The following TMEM45B variants were observed in gnomAD, a reference collection of about 807,000 sequenced individuals.
TMEM45B encodes transmembrane protein 45B.
A neutral mutation model predicts 27.3 loss-of-function variants in TMEM45B; 29 were observed. The observed-to-expected ratio is 1.06, with a 90% CI of 0.79 to 1.45. TMEM45B has a LOEUF of 1.45. Ranked by LOEUF, TMEM45B falls within the 40% of genes most tolerant of loss-of-function variation. The probability of loss-of-function intolerance (pLI) is 0.00; values close to 1 mark genes in which losing one functional copy is unlikely to be tolerated. For missense variants in TMEM45B, 348 were observed against 343.9 expected (o/e 1.01, Z -0.09); for synonymous variants, 143 against 134.7 (o/e 1.06, Z -0.43).
rs1404660726 is a variant in TMEM45B, at chr11:129,858,615, T to C, written c.758T>C (p.Ile253Thr). The change falls in exon 6 of 6, where the codon ATT becomes ACT. Residue 253 changes from isoleucine to threonine, a missense_variant. Physicochemically the swap from Ile to Thr is moderately conservative, Grantham distance 89. Coordinates refer to ENST00000281441, the MANE Select transcript of TMEM45B (RefSeq NM_138788.5). ...AAGAGACACGGAAGGGGAGAAATCA[T>C]TGGAATTCAGAAGCTGAATTCAGAT... ...RMKRHGRGEI[I>T]GIQKLNSDDT... is the part of the protein sequence containing the mutation. 23 of 1,588,246 alleles carry C rather than the reference T, an allele frequency of 1.4e-5. No individual in the cohort carries two copies. The highest frequency in any genetic ancestry group is 1.9e-5 in the Non-Finnish European group (22 of 1,166,384).
intron 1 of TMEM45B, among the ~76,000 whole-genome samples, chr11:129,839,555 T>C (rs1007603646): frequency 6.6e-6 from 1 of 152,186 alleles, no homozygotes; most frequent in African/African-American, 2.4e-5. Context: ...GGAGACAGGG[T>C]CTCACTGTGT....
intron 1 of TMEM45B, among the ~76,000 whole-genome samples, chr11:129,819,709 C>T (rs1947395372): frequency 6.6e-6 from 1 of 151,922 alleles, no homozygotes; most frequent in Non-Finnish European, 1.5e-5. Context: ...ACGTGCACCA[C>T]CACGCCCAGC....
chr11:129,830,546 A>G (rs1565364896), intron 1 of TMEM45B, among the ~76,000 whole-genome samples: 1 of 152,216 alleles, frequency 6.6e-6, no homozygotes, highest in Non-Finnish European at 1.5e-5. Flanking sequence ...AGAAAAGACA[A>G]CTCACAGAAT....
chr11:129,820,905 G>A (rs1260740763), intron 1 of TMEM45B, among the ~76,000 whole-genome samples: 1 of 152,058 alleles, frequency 6.6e-6, no homozygotes, highest in Admixed American at 6.6e-5. Flanking sequence ...TAAATAGCAT[G>A]CAGATACGGG....
At chr11:129,817,151 C>A (rs1176575612) in intron 1 of TMEM45B, among the ~76,000 whole-genome samples, 3 of 152,184 alleles carry the variant, frequency 2.0e-5, no homozygotes, top group Admixed American at 6.5e-5. Flanking sequence ...GCCTTCCAAA[C>A]AGGCCTGCCT....
At chr11:129,820,601 C>T (rs949133806) in intron 1 of TMEM45B, among the ~76,000 whole-genome samples, 1 of 152,092 alleles carries the variant, frequency 6.6e-6, no homozygotes, top group Admixed American at 6.5e-5. Context: ...CCATTATGGA[C>T]GGGCACGCCA....
At chr11:129,820,401 T>G (rs1021033144) in intron 1 of TMEM45B, among the ~76,000 whole-genome samples, 1 of 152,210 alleles carries the variant, frequency 6.6e-6, no homozygotes, top group South Asian at 2.1e-4. Context: ...TAGCAGCATC[T>G]GCCATAGTGT....
At position 129,851,543 on chromosome 11, in the gene TMEM45B, C is replaced by CA. The variant is rs71057982; in HGVS notation, c.-8-917dup. ...TGGGTGACAGAGTGAAACTCTGCCT[C>CA]AAAAAAAAAAAAAAAGTCCCCTTCT... is the stretch of plus-strand genomic sequence containing the variant. On this transcript the variant is annotated intron_variant, in intron 1 of 5. Coordinates refer to ENST00000281441, the MANE Select transcript of TMEM45B (RefSeq NM_138788.5). Among the ~76,000 whole-genome samples, 98 of 54,940 alleles carry CA rather than the reference C, an allele frequency of 1.8e-3. 7 individuals carry two copies. The highest frequency in any genetic ancestry group is 3.0e-3 in the East Asian group (4 of 1,344). The allele number at this position is 54,940 out of a possible 152,430, so 36.0% of individuals were successfully genotyped here.
chr11:129,831,417 T>C (rs1010102209), intron 1 of TMEM45B, among the ~76,000 whole-genome samples: 18 of 152,316 alleles, frequency 1.2e-4, no homozygotes, highest in African/African-American at 4.3e-4. Flanking sequence ...GCTTACTAAG[T>C]GACTAATGGT....
intron 1 of TMEM45B, among the ~76,000 whole-genome samples, chr11:129,842,770 A>G (rs1015599668): frequency 2.6e-5 from 4 of 152,244 alleles, no homozygotes; most frequent in Admixed American, 1.3e-4. Context: ...CAACAAAAGC[A>G]CAGGCAACAA....
rs1947985826 is a variant in TMEM45B, at chr11:129,859,957, T to A, written c.*1272T>A. 6.6e-6 allele frequency: 1 copy of A among 152,566 alleles called. No individual in the cohort carries two copies. Among genetic ancestry groups the A allele is most frequent in the Non-Finnish European group, 1.5e-5 (1 of 68,044 alleles). The allele number at this position is 152,566 out of a possible 1,614,324, so 9.5% of individuals were successfully genotyped here. ...TCAAACAGGAGAGACATGCCTGTAG[T>A]TACATCCAGTGTGATGGGTGCTGAG... On this transcript the variant is annotated 3_prime_UTR_variant, in exon 6 of 6. Transcript: ENST00000281441.
chr11:129,845,178 T>C (rs1947742126), intron 1 of TMEM45B, among the ~76,000 whole-genome samples: 1 of 152,180 alleles, frequency 6.6e-6, no homozygotes, highest in African/African-American at 2.4e-5. Flanking sequence ...TGTACATATA[T>C]GTGTACACAC....
Position 129,859,513 on chromosome 11 carries a change from C to A in TMEM45B, c.*828C>A, listed in dbSNP as rs974481618. 4 of 152,144 alleles carry A rather than the reference C, an allele frequency of 2.6e-5. No individual in the cohort carries two copies. The highest frequency in any genetic ancestry group is 9.7e-5 in the African/African-American group (4 of 41,412). 9.4% of individuals were successfully genotyped at this position (152,144 alleles called of 1,614,324 possible). ...TAATGTAAAATCTTGATACCCTAAT[C>A]TTGCTTCTGGATCTGTTCTTTTTTT... On this transcript the variant is annotated 3_prime_UTR_variant, in exon 6 of 6. Transcript: ENST00000281441.
intron 1 of TMEM45B, among the ~76,000 whole-genome samples, chr11:129,840,946 T>TAAAAAAAAAAAAAAAAAAAAAAAA: frequency 3.4e-5 from 1 of 29,260 alleles, no homozygotes; most frequent in Non-Finnish European, 6.9e-5. Flanking sequence ...TTTCTTTCTG[T>TAAAAAAAAAAAAAAAAAAAAAAAA]AAAAAAAAAA....
At position 129,815,915 on chromosome 11, in the gene TMEM45B, C is replaced by G; in HGVS notation, c.-9+17C>G. On this transcript the variant is annotated intron_variant, in intron 1 of 5. Transcript: ENST00000281441. ...TGGGCACAGGTCAGACGTCCGTACC[C>G]GCAGGGGGCTCGAACCTGGAGGAGG... 7.9e-7 allele frequency: 1 copy of G among 1,269,278 alleles called. No homozygotes were observed. Among genetic ancestry groups the G allele is most frequent in the Non-Finnish European group, 9.9e-7 (1 of 1,012,046 alleles). 78.6% of individuals were successfully genotyped at this position (1,269,278 alleles called of 1,614,324 possible). A position where few individuals can be genotyped will look rare whatever the true frequency, so the allele number is the denominator to read the frequency against.
intron 1 of TMEM45B, among the ~76,000 whole-genome samples, chr11:129,842,538 G>A (rs1201512080): frequency 6.6e-6 from 1 of 152,072 alleles, no homozygotes; most frequent in Non-Finnish European, 1.5e-5. Flanking sequence ...ACAAGAATGA[G>A]GAAAGAATAG....
intron 2 of TMEM45B, among the ~76,000 whole-genome samples, 174 bp from the exon 3 acceptor site, chr11:129,854,436 C>G (rs1947890844): frequency 6.6e-6 from 1 of 152,316 alleles, no homozygotes; most frequent in East Asian, 1.9e-4. Context: ...TCAGCACACA[C>G]CCTACTTTAT....
intron 1 of TMEM45B, among the ~76,000 whole-genome samples, chr11:129,847,417 A>ATTTTTTTT (rs777733202): frequency 7.1e-6 from 1 of 140,300 alleles, no homozygotes; most frequent in South Asian, 2.2e-4. Context: ...ATTTTTTTTT[A>ATTTTTTTT]TTTTTTTTTA....
At chr11:129,853,478 C>T (rs1334771355) in intron 2 of TMEM45B, among the ~76,000 whole-genome samples, 1 of 152,238 alleles carries the variant, frequency 6.6e-6, no homozygotes, top group Non-Finnish European at 1.5e-5. Context: ...AATGTCCCCA[C>T]TCACCATTCA....
Sources: allele counts gnomAD v4.1 joint callset (sites outside exome capture counted in the v4.1 genomes callset), GRCh38; gene constraint gnomAD v4.1.1; transcripts MANE v1.5; gene names NCBI Gene and HGNC (gene_info 2026-07-23, HGNC 2026-07-21).